ADGRV1: variants seen among roughly 807,000 people sequenced by gnomAD.
ADGRV1 encodes the protein adhesion G protein-coupled receptor V1.
ADGRV1 carries 359 observed loss-of-function variants against 596.2 expected under a neutral mutation model. The observed-to-expected ratio is 0.60, with a 90% CI of 0.55 to 0.66. The LOEUF is 0.66. Among genes scored for constraint, ADGRV1 ranks in the 30% least tolerant of loss-of-function variants. The probability of loss-of-function intolerance (pLI) is 0.00; values close to 1 mark genes in which losing one functional copy is unlikely to be tolerated. For synonymous variants in ADGRV1, 2,681 were observed against 2,679.2 expected (o/e 1.00, Z -0.02); for missense variants, 7,274 against 7,575.6 (o/e 0.96, Z 1.48).
chr5:91,039,342 G>A (rs1195119488), intron 85 of ADGRV1, among the ~76,000 whole-genome samples: 1 of 152,170 alleles, frequency 6.6e-6, no homozygotes, highest in Non-Finnish European at 1.5e-5. Flanking sequence ...TCTTCATGAA[G>A]TACAAAAGGA....
intron 89 of ADGRV1, among the ~76,000 whole-genome samples, chr5:91,160,777 C>T (rs956823178): frequency 2.0e-5 from 3 of 152,104 alleles, no homozygotes; most frequent in African/African-American, 7.2e-5. Context: ...GCATGTTATA[C>T]TTGTGTGTAA....
At chr5:90,794,164 G>A (rs79316782) in intron 70 of ADGRV1, among the ~76,000 whole-genome samples, 2 of 152,104 alleles carry the variant, frequency 1.3e-5, no homozygotes, top group African/African-American at 4.8e-5. Flanking sequence ...GAGAAGGACC[G>A]CAAGGGCCAT....
chr5:91,145,904 A>T (rs1462426759), intron 87 of ADGRV1, among the ~76,000 whole-genome samples: 1 of 152,202 alleles, frequency 6.6e-6, no homozygotes, highest in Non-Finnish European at 1.5e-5. Context: ...TTGCCCTCTA[A>T]TTTCACTTTT....
At chr5:91,150,259 CTCTGTCTCTCTCTCTCTCTCTG>C in intron 88 of ADGRV1, 38 bp downstream of exon 88, 1 of 1,397,572 alleles carries the variant, frequency 7.2e-7, no homozygotes, top group Non-Finnish European at 9.5e-7. Flanking sequence ...GTCTCTCTGT[CTCTGTCTCTCTCTCTCTCTCTG>C]TCTGTCTCTC....
intron 85 of ADGRV1, among the ~76,000 whole-genome samples, chr5:91,001,997 T>C (rs1781891891): frequency 6.6e-6 from 1 of 152,216 alleles, no homozygotes; most frequent in South Asian, 2.1e-4. Flanking sequence ...AATATGATAT[T>C]GTTTTTTCTA....
At chr5:90,831,473 A>T (rs1052910236) in intron 77 of ADGRV1, among the ~76,000 whole-genome samples, 1 of 152,126 alleles carries the variant, frequency 6.6e-6, no homozygotes, top group Admixed American at 6.6e-5. Context: ...GATACATGAG[A>T]TATTTTGATA....
chr5:90,765,191 TGAG>T (rs2150024253), intron 59 of ADGRV1, among the ~76,000 whole-genome samples: 1 of 152,212 alleles, frequency 6.6e-6, no homozygotes, highest in East Asian at 1.9e-4. Flanking sequence ...ATCATCTTCC[TGAG>T]GAGAACTGGC....
At chr5:90,791,525 T>C in intron 70 of ADGRV1, 179 bp downstream of exon 70, 2 of 573,116 alleles carry the variant, frequency 3.5e-6, no homozygotes, top group Non-Finnish European at 6.2e-6. Flanking sequence ...AATAAGTATA[T>C]TACTATTTGG....
Position 90,778,519 on chromosome 5 carries a change from C to T in ADGRV1, c.12759C>T (p.Ser4253=). The T allele has an allele frequency of 6.2e-7, 1 of 1,613,112 alleles. No homozygotes were observed. Among genetic ancestry groups the T allele is most frequent in the Non-Finnish European group, 8.5e-7 (1 of 1,179,450 alleles). The change falls in exon 63 of 90, where the codon AGC becomes AGT. Residue 4253 remains serine, a synonymous_variant. Coordinates refer to ENST00000405460, the MANE Select transcript of ADGRV1 (RefSeq NM_032119.4). ...GAGGAGTTCTGAGTGAATCCAGCAG[C>T]ACTGCCAACATCACGGTGGTGGCCA... is the stretch of plus-strand genomic sequence containing the variant. ...SEGGVLSESS[S]TANITVVASD... is the part of the protein sequence containing the mutation.
intron 88 of ADGRV1, 54 bp from the exon 89 acceptor site, chr5:91,153,167 A>G: frequency 6.9e-7 from 1 of 1,445,224 alleles, no homozygotes; most frequent in Non-Finnish European, 9.5e-7. Flanking sequence ...TTCATAGTGA[A>G]TGTGTATGCA....
intron 83 of ADGRV1, among the ~76,000 whole-genome samples, chr5:90,935,422 C>G (rs1775594235): frequency 6.6e-6 from 1 of 152,138 alleles, no homozygotes; most frequent in Admixed American, 6.5e-5. Flanking sequence ...ACATTCAGTT[C>G]CAGCTTCCGC....
chr5:90,569,353 T>TGA, intron 1 of ADGRV1, among the ~76,000 whole-genome samples: 1 of 79,392 alleles, frequency 1.3e-5, no homozygotes, highest in Non-Finnish European at 2.4e-5. Context: ...TCTGTTTGCA[T>TGA]GATATATATA....
chr5:90,845,601 A>AT (rs375490518), intron 78 of ADGRV1, among the ~76,000 whole-genome samples: 7,122 of 148,978 alleles, frequency 0.048, 278 homozygotes, highest in African/African-American at 0.11. Flanking sequence ...TTCTGGTATG[A>AT]TTTTTTTTTT....
intron 86 of ADGRV1, among the ~76,000 whole-genome samples, chr5:91,089,507 G>A (rs1293042222): frequency 1.3e-5 from 2 of 152,090 alleles, no homozygotes; most frequent in Non-Finnish European, 2.9e-5. Flanking sequence ...AGAAACAAAG[G>A]CAGCTTTGAA....
Position 90,753,766 on chromosome 5 carries a change from T to A in ADGRV1, c.11314T>A (p.Ser3772Thr). Residue 3772 changes from serine (S) to threonine (T), a missense_variant, in exon 54 of 90, where the codon TCA (serine) becomes ACA (threonine). By Grantham distance (58) the Ser-to-Thr change is moderately conservative. Around this residue, in one of 5 missense-constraint regions of ADGRV1, gnomAD observed 3,643 missense variants for 3,809.2 expected, o/e 0.96. Transcript: ENST00000405460. Reference sequence around the variant, plus strand: ...TGTTATAACAACTTTGCCCAATGACTCACCTTTTGGCTTGGTGGGCTGGCG... The same window carrying A: ...TGTTATAACAACTTTGCCCAATGACACACCTTTTGGCTTGGTGGGCTGGCG... Reference protein sequence around the residue: ...KSVITTLPNDSPFGLVGWRAA... With the variant: ...KSVITTLPNDTPFGLVGWRAA... 2 of 1,613,302 alleles carry A rather than the reference T, an allele frequency of 1.2e-6. No individual in the cohort carries two copies. Among genetic ancestry groups the A allele is most frequent in the Non-Finnish European group, 1.7e-6 (2 of 1,179,548 alleles).
chr5:90,711,116 C>T (rs1236839452), intron 40 of ADGRV1, 57 bp downstream of exon 40: 2 of 1,570,842 alleles, frequency 1.3e-6, no homozygotes, highest in Non-Finnish European at 1.7e-6. Flanking sequence ...TTACTATCTA[C>T]CAAATAAAAG....
chr5:90,629,356 G>A lies in ADGRV1; in HGVS notation c.1656G>A (p.Arg552=). 6.2e-7 allele frequency: 1 copy of A among 1,613,610 alleles called. No homozygotes were observed. Among genetic ancestry groups the A allele is most frequent in the African/African-American group, 1.3e-5 (1 of 74,960 alleles). Residue 552 remains arginine (R), a synonymous_variant, in exon 9 of 90, where the codon AGG becomes AGA. Transcript: ENST00000405460. ...TRLGGTKGDV[R]LLYSVLYIPA... is the part of the protein sequence containing the mutation. ...TAGGAGGGACTAAAGGAGATGTGAGGTTGCTTTATTCTGTACTTTACATTC... is the reference window on the plus strand; with the variant it reads ...TAGGAGGGACTAAAGGAGATGTGAGATTGCTTTATTCTGTACTTTACATTC...
rs1409205036 is a variant in ADGRV1 at position 90,595,545 on chromosome 5, C to T, written c.23-19290C>T. 1.2e-3 allele frequency among the ~76,000 whole-genome samples: 145 copies of T among 121,776 alleles called. 5 individuals carry two copies. Among genetic ancestry groups the T allele is most frequent in the East Asian group, 4.7e-3 (19 of 4,016 alleles). 79.9% of individuals were successfully genotyped at this position (121,776 alleles called of 152,430 possible). ...GGCGCCCCTCACCTCCTGGACGGGG[C>T]GGCTGGCCGGGCGGGGGGCTGACCC... On this transcript the variant is annotated intron_variant, in intron 1 of 89. Coordinates refer to ENST00000405460, the MANE Select transcript of ADGRV1 (RefSeq NM_032119.4).
chr5:90,566,831 C>T (rs890547608), intron 1 of ADGRV1, among the ~76,000 whole-genome samples: 3 of 151,958 alleles, frequency 2.0e-5, no homozygotes. Context: ...ATTGTCCTGC[C>T]TAGAACTTCC....
Sources: gnomAD v4.1 joint callset for allele counts (sites outside exome capture counted in the v4.1 genomes callset) on GRCh38, gnomAD v4.1.1 for gene constraint, gnomAD v4.1.1 regional missense constraint, MANE v1.5 for transcripts, NCBI Gene and HGNC (gene_info 2026-07-23, HGNC 2026-07-21) for gene names.